SGCZ: variants seen among roughly 807,000 people sequenced by gnomAD.
The protein encoded by SGCZ is zeta-sarcoglycan.
In SGCZ, 40 loss-of-function variants were observed where a neutral mutation model predicts 41.3. The ratio of observed to expected loss-of-function variants is 0.97; its 90% confidence interval spans 0.75 to 1.26. The LOEUF (loss-of-function observed/expected upper bound fraction) is 1.26. Among genes scored for constraint, SGCZ ranks in the 50% most tolerant of loss-of-function variants. SGCZ has a pLI of 0.00. For missense variants in SGCZ, 552 were observed against 369.8 expected (o/e 1.49, Z -4.04); for synonymous variants, 206 against 137.5 (o/e 1.50, Z -3.49).
intron 2 of SGCZ, among the ~76,000 whole-genome samples, chr8:14,377,493 T>TG (rs1401260009): frequency 7.2e-6 from 1 of 138,998 alleles, no homozygotes; most frequent in East Asian, 1.9e-4. Flanking sequence ...GAACCCTTGA[T>TG]TTTTTTTTAT....
At chr8:14,428,557 T>C (rs1229170132) in intron 2 of SGCZ, among the ~76,000 whole-genome samples, 2 of 152,222 alleles carry the variant, frequency 1.3e-5, no homozygotes, top group Non-Finnish European at 2.9e-5. Context: ...ATCATATCAT[T>C]CAACATTTTA....
chr8:14,580,169 G>A (rs1804841350), intron 1 of SGCZ, among the ~76,000 whole-genome samples: 1 of 152,116 alleles, frequency 6.6e-6, no homozygotes, highest in African/African-American at 2.4e-5. Context: ...TGAAAGAAAA[G>A]GCAAATGCAG....
intron 4 of SGCZ, among the ~76,000 whole-genome samples, chr8:14,185,319 C>T (rs1804867565): frequency 6.6e-6 from 1 of 152,156 alleles, no homozygotes; most frequent in Admixed American, 6.5e-5. Context: ...AGAAGAATAG[C>T]TTGAACCAGG....
chr8:14,373,549 G>A (rs1248434118), intron 2 of SGCZ, among the ~76,000 whole-genome samples: 1 of 152,138 alleles, frequency 6.6e-6, no homozygotes, highest in Non-Finnish European at 1.5e-5. Context: ...TAGAACTAGT[G>A]ATGGAAGACT....
chr8:14,276,563 C>T (rs561046716), intron 3 of SGCZ, among the ~76,000 whole-genome samples: 1 of 152,248 alleles, frequency 6.6e-6, no homozygotes, highest in South Asian at 2.1e-4. Flanking sequence ...ACTCTGCTCT[C>T]TCCATGTTTC....
At chr8:14,947,037 AT>A (rs1438094644) in intron 1 of SGCZ, among the ~76,000 whole-genome samples, 36 of 152,272 alleles carry the variant, frequency 2.4e-4, no homozygotes, top group Admixed American at 9.2e-4. Context: ...AACCAAAAAA[AT>A]CTTTGTATTT....
At chr8:15,131,852 A>G (rs1807915899) in intron 1 of SGCZ, among the ~76,000 whole-genome samples, 1 of 152,186 alleles carries the variant, frequency 6.6e-6, no homozygotes, top group Non-Finnish European at 1.5e-5. Flanking sequence ...TGGAGGTGAA[A>G]TGTGTTTCTC....
At chr8:14,467,687 G>C (rs749815193) in intron 2 of SGCZ, among the ~76,000 whole-genome samples, 4 of 151,986 alleles carry the variant, frequency 2.6e-5, no homozygotes, top group Non-Finnish European at 5.9e-5. Context: ...TTATTCTCTA[G>C]TTCTGAAGGC....
chr8:15,122,218 C>A (rs552420764), intron 1 of SGCZ, among the ~76,000 whole-genome samples: 2 of 150,970 alleles, frequency 1.3e-5, no homozygotes, highest in South Asian at 2.1e-4. Context: ...AGAAAAAAAT[C>A]TATTTTTTTC....
chr8:14,404,067 C>A (rs368619768), intron 2 of SGCZ, among the ~76,000 whole-genome samples: 1 of 151,930 alleles, frequency 6.6e-6, no homozygotes, highest in African/African-American at 2.4e-5. Flanking sequence ...CTGAGTATCA[C>A]GAAAAGAGAG....
chr8:14,702,807 AGT>A (rs1809188721), intron 1 of SGCZ, among the ~76,000 whole-genome samples: 4 of 134,108 alleles, frequency 3.0e-5, no homozygotes, highest in African/African-American at 1.1e-4. Context: ...ACAGGTAGGT[AGT>A]TAGGTAGATA....
chr8:14,626,974 AC>A (rs1806480693), intron 1 of SGCZ, among the ~76,000 whole-genome samples: 1 of 152,192 alleles, frequency 6.6e-6, no homozygotes, highest in Non-Finnish European at 1.5e-5. Flanking sequence ...AATAATGTTC[AC>A]CTCACATGGT....
chr8:14,680,050 A>T (rs1428858657), intron 1 of SGCZ, among the ~76,000 whole-genome samples: 2 of 152,102 alleles, frequency 1.3e-5, no homozygotes, highest in African/African-American at 2.4e-5. Flanking sequence ...ATTTTCCATA[A>T]TATTTGCACA....
chr8:14,254,068 AG>A (rs1799379620), intron 3 of SGCZ, among the ~76,000 whole-genome samples: 1 of 152,168 alleles, frequency 6.6e-6, no homozygotes, highest in Admixed American at 6.6e-5. Context: ...CCTTAAACAC[AG>A]TCTTAAATTG....
At chr8:14,416,860 T>A (rs1345393524) in intron 2 of SGCZ, among the ~76,000 whole-genome samples, 1 of 151,864 alleles carries the variant, frequency 6.6e-6, no homozygotes, top group Non-Finnish European at 1.5e-5. Flanking sequence ...ATAATGAGTA[T>A]AAAAGTGCTT....
intron 3 of SGCZ, among the ~76,000 whole-genome samples, chr8:14,248,892 G>T (rs1041087133): frequency 3.3e-5 from 5 of 151,896 alleles, no homozygotes; most frequent in African/African-American, 4.8e-5. Flanking sequence ...AAAAACCAGA[G>T]ATATAATATT....
At chr8:14,112,291 G>GT (rs1233914462) in intron 5 of SGCZ, among the ~76,000 whole-genome samples, 4 of 149,512 alleles carry the variant, frequency 2.7e-5, no homozygotes, top group Admixed American at 6.7e-5. Context: ...TGTGGGGGGG[G>GT]GGTGCAAAGA....
At chr8:15,012,660 A>ATATATAT (rs1802880556) in intron 1 of SGCZ, among the ~76,000 whole-genome samples, 1 of 110,320 alleles carries the variant, frequency 9.1e-6, no homozygotes, top group Admixed American at 9.0e-5. Flanking sequence ...ATAATATATA[A>ATATATAT]TATATATTTA....
chr8:14,372,314 C>G (rs1803943199), intron 2 of SGCZ, among the ~76,000 whole-genome samples: 1 of 152,268 alleles, frequency 6.6e-6, no homozygotes, highest in East Asian at 1.9e-4. Flanking sequence ...ACCCAACCAA[C>G]AGTAACTATT....
Sources: allele counts gnomAD v4.1 joint callset (sites outside exome capture counted in the v4.1 genomes callset), GRCh38; gene constraint gnomAD v4.1.1; transcripts MANE v1.5; gene names NCBI Gene and HGNC (gene_info 2026-07-23, HGNC 2026-07-21).